EVI5: variants seen among roughly 807,000 people sequenced by gnomAD.
EVI5 encodes ecotropic viral integration site 5.
A neutral mutation model predicts 112.0 loss-of-function variants in EVI5; 73 were observed. The observed-to-expected ratio is 0.65, with a 90% CI of 0.54 to 0.79. The LOEUF is 0.79. Ranked by LOEUF, EVI5 falls within the 30% of genes least tolerant of loss-of-function variation. The pLI, the probability that EVI5 is intolerant of heterozygous loss-of-function variation, is 0.00. For missense variants in EVI5, 900 were observed against 968.8 expected (o/e 0.93, Z 0.94); for synonymous variants, 305 against 319.9 (o/e 0.95, Z 0.50).
intron 1 of EVI5, among the ~76,000 whole-genome samples, chr1:92,742,142 T>C (rs1217205182): frequency 6.6e-6 from 1 of 151,992 alleles, no homozygotes; most frequent in East Asian, 1.9e-4. Flanking sequence ...GATTAAAAGA[T>C]GAGCAAAGGA....
chr1:92,561,599 CTAATCTATCCTATCTATCTAT>C (rs1557789864), intron 19 of EVI5, among the ~76,000 whole-genome samples: 6 of 146,002 alleles, frequency 4.1e-5, no homozygotes, highest in Admixed American at 1.4e-4. Context: ...ATCTATCTAT[CTAATCTATCCTATCTATCTAT>C]CTATCTATCT....
intron 2 of EVI5, among the ~76,000 whole-genome samples, chr1:92,726,278 T>C (rs539461666): frequency 9.2e-5 from 14 of 152,098 alleles, no homozygotes; most frequent in African/African-American, 3.1e-4. Context: ...TTAAAACCAG[T>C]GATAAAGCAG....
At chr1:92,517,713 AG>A (rs1364013646) in intron 19 of EVI5, among the ~76,000 whole-genome samples, 9 of 152,154 alleles carry the variant, frequency 5.9e-5, no homozygotes, top group Admixed American at 5.2e-4. Context: ...GTATAGAGGT[AG>A]GGGCTAAAGA....
intron 16 of EVI5, among the ~76,000 whole-genome samples, chr1:92,610,444 C>A (rs6603999): frequency 3.3e-5 from 5 of 152,094 alleles, no homozygotes; most frequent in Non-Finnish European, 7.3e-5. Flanking sequence ...AACCCAAGAA[C>A]TGACCATGAG....
rs116265093 is a variant in EVI5, at chr1:92,665,624, A to G, written c.1212+315T>C. 4.6e-3 allele frequency among the ~76,000 whole-genome samples: 704 copies of G among 152,326 alleles called. 6 individuals are homozygous for G. Among genetic ancestry groups the G allele is most frequent in the African/African-American group, 0.016 (663 of 41,576 alleles). ...ATTTGAAACTCATCTTTAAAATGCT[A>G]TATCAGAATGGACTCCCAACTAAAT... On this transcript the variant is annotated intron_variant, in intron 11 of 19. Transcript: ENST00000684568.
chr1:92,646,490 T>C (rs966235235), intron 13 of EVI5, among the ~76,000 whole-genome samples: 2 of 152,208 alleles, frequency 1.3e-5, no homozygotes, highest in Non-Finnish European at 2.9e-5. Flanking sequence ...TGAAGCTAAA[T>C]GGCTGAACAT....
At chr1:92,785,113 C>G (rs879627625), upstream of EVI5, 1 of 985,220 alleles carries the variant, frequency 1.0e-6, no homozygotes, top group Admixed American at 6.1e-5. Flanking sequence ...GAGCCCAAGG[C>G]GCAGGCGCGG....
chr1:92,613,820 G>A (rs1652439381), intron 16 of EVI5, among the ~76,000 whole-genome samples: 1 of 152,002 alleles, frequency 6.6e-6, no homozygotes, highest in Admixed American at 6.6e-5. Flanking sequence ...CAAACTCCTG[G>A]CCTCAAGTGA....
At chr1:92,693,447 T>C (rs1273502744) in intron 9 of EVI5, among the ~76,000 whole-genome samples, 1 of 152,172 alleles carries the variant, frequency 6.6e-6, no homozygotes, top group Admixed American at 6.5e-5. Context: ...TTGCTGGTTA[T>C]GCTAATTTTG....
At chr1:92,514,776 G>C (rs928668783) in intron 19 of EVI5, among the ~76,000 whole-genome samples, 4 of 152,076 alleles carry the variant, frequency 2.6e-5, no homozygotes, top group African/African-American at 9.7e-5. Flanking sequence ...TATTTTGCTG[G>C]TATTTCTAGA....
chr1:92,551,490 C>A (rs1397919405), intron 19 of EVI5, among the ~76,000 whole-genome samples: 1 of 152,100 alleles, frequency 6.6e-6, no homozygotes, highest in Non-Finnish European at 1.5e-5. Context: ...GCCCTAAAAC[C>A]AGAGTAAGTT....
intron 19 of EVI5, among the ~76,000 whole-genome samples, 157 bp downstream of exon 19, chr1:92,563,485 C>A (rs1488456443): frequency 5.3e-5 from 8 of 152,050 alleles, no homozygotes; most frequent in Admixed American, 5.2e-4. Flanking sequence ...AAGATCCTTG[C>A]TAAAAAGACA....
chr1:92,741,188 T>C (rs1187498784), intron 1 of EVI5, among the ~76,000 whole-genome samples: 1 of 152,224 alleles, frequency 6.6e-6, no homozygotes, highest in Non-Finnish European at 1.5e-5. Flanking sequence ...ACAAAAATGC[T>C]ATACAACTTA....
At chr1:92,668,165 A>C (rs1200587155) in intron 10 of EVI5, among the ~76,000 whole-genome samples, 1 of 152,228 alleles carries the variant, frequency 6.6e-6, no homozygotes, top group African/African-American at 2.4e-5. Flanking sequence ...AAATTGAAAC[A>C]AATCTTAGAG....
chr1:92,677,402 C>A (rs1426531009), intron 9 of EVI5, among the ~76,000 whole-genome samples, 184 bp from the exon 10 acceptor site: 2 of 152,134 alleles, frequency 1.3e-5, no homozygotes, highest in African/African-American at 4.8e-5. Context: ...TAAAAACTCA[C>A]TTTACAAATG....
intron 18 of EVI5, among the ~76,000 whole-genome samples, chr1:92,592,310 C>G (rs774152902): frequency 4.6e-5 from 7 of 152,180 alleles, no homozygotes; most frequent in Non-Finnish European, 1.0e-4. Flanking sequence ...CAACCTGCTC[C>G]TGAATGACTA....
At chr1:92,734,739 G>A (rs1239449505) in intron 2 of EVI5, among the ~76,000 whole-genome samples, 2 of 152,122 alleles carry the variant, frequency 1.3e-5, no homozygotes, top group Non-Finnish European at 1.5e-5. Context: ...GCTGCCAGCT[G>A]GGGGAAGAAT....
At chr1:92,783,806 G>A (rs1297389910) in intron 1 of EVI5, among the ~76,000 whole-genome samples, 12 of 37,532 alleles carry the variant, frequency 3.2e-4, no homozygotes, top group African/African-American at 1.2e-3. Flanking sequence ...GAGACTCCCT[G>A]TCAAAAAAAA....
chr1:92,518,735 G>C (rs1453255903), intron 19 of EVI5, among the ~76,000 whole-genome samples: 1 of 151,746 alleles, frequency 6.6e-6, no homozygotes, highest in Non-Finnish European at 1.5e-5. Context: ...GGCCTAGCAA[G>C]TGTCCAGGAC....
Sources: gnomAD v4.1 joint callset for allele counts (sites outside exome capture counted in the v4.1 genomes callset) on GRCh38, gnomAD v4.1.1 for gene constraint, MANE v1.5 for transcripts, NCBI Gene and HGNC (gene_info 2026-07-23, HGNC 2026-07-21) for gene names.